Variants in PXN observed in about 807,000 individuals in gnomAD.
PXN encodes testicular tissue protein Li 134.
PXN carries 61 observed loss-of-function variants against 103.6 expected under a neutral mutation model. The ratio of observed to expected loss-of-function variants is 0.59; its 90% CI spans 0.48 to 0.73. The LOEUF is 0.73. Ranked by LOEUF, PXN falls within the 30% of genes least tolerant of loss-of-function variation. The pLI is 0.00. For missense variants in PXN, 1,274 were observed against 1,460.3 expected (o/e 0.87, Z 2.08); for synonymous variants, 562 against 607.8 (o/e 0.92, Z 1.11).
chr12:120,240,466 A>G (rs967759752), intron 1 of PXN, among the ~76,000 whole-genome samples: 1 of 152,130 alleles, frequency 6.6e-6, no homozygotes, highest in African/African-American at 2.4e-5. Flanking sequence ...AGACCATCAG[A>G]CTGTAAACAA....
chr12:120,212,737 TTTTTA>T lies in PXN; in HGVS notation c.2980-162_2980-158del. On this transcript the variant is annotated intron_variant, in intron 14 of 14. Coordinates refer to ENST00000637617, the MANE Select transcript of PXN (RefSeq NM_001385981.1). This position sits in a 1 kb window ranked among gnomAD's most constrained non-coding sequence, Gnocchi z 7.2. ...TGTTGTCCTAAACGCTCATTTTTCA[TTTTTA>T]TTTTATTAAATAAATTTTTTTTGTA... 1 of 778,236 alleles carries T rather than the reference TTTTTA, an allele frequency of 1.3e-6. No homozygotes were observed. Among genetic ancestry groups the T allele is most frequent in the Non-Finnish European group, 1.9e-6 (1 of 530,402 alleles). The allele number at this position is 778,236 out of a possible 1,614,324, so 48.2% of individuals were successfully genotyped here.
Position 120,212,298 on chromosome 12 carries a change from GAC to G in PXN, c.*14_*15del. 6.2e-7 allele frequency: 1 copy of G among 1,606,870 alleles called. No homozygotes were observed. The highest frequency in any genetic ancestry group is 8.5e-7 in the Non-Finnish European group (1 of 1,175,704). On this transcript the variant is annotated 3_prime_UTR_variant, in exon 15 of 15. Transcript: ENST00000637617. The surrounding 1 kb of genome is among the most constrained non-coding windows in gnomAD (Gnocchi z 7.2). ...ATGCTGGCTGGGGAAGGGGGGCAGA[GAC>G]AGGGGCAGGGCACCTAGCAGAAGAG...
Position 120,225,974 on chromosome 12 carries a change from C to G in PXN, c.14-1597G>C. 1 of 868,258 alleles carries G rather than the reference C, an allele frequency of 1.2e-6. No individual in the cohort carries two copies. Among genetic ancestry groups the G allele is most frequent in the South Asian group, 2.9e-5 (1 of 34,302 alleles). The allele number at this position is 868,258 out of a possible 1,614,324, so 53.8% of individuals were successfully genotyped here. On this transcript the variant is annotated intron_variant, in intron 1 of 14. Coordinates refer to ENST00000637617, the MANE Select transcript of PXN (RefSeq NM_001385981.1). The surrounding 1 kb of genome is among the most constrained non-coding windows in gnomAD (Gnocchi z 4.4). Reference sequence around the variant, plus strand: ...CAAGGCCCAGGACCCCGGGTCTGGTCGCCTGACCTCCAAGGAAGTTCAGGT... The same window carrying G: ...CAAGGCCCAGGACCCCGGGTCTGGTGGCCTGACCTCCAAGGAAGTTCAGGT...
In PXN at chr12:120,222,845, C is replaced by T. The variant is rs1448876221; in HGVS notation, c.493+18G>A. 1.9e-6 allele frequency: 3 copies of T among 1,612,580 alleles called. No individual in the cohort carries two copies. Among genetic ancestry groups the T allele is most frequent in the Admixed American group, 3.4e-5 (2 of 59,666 alleles). Reference sequence around the variant, plus strand: ...GCCCTGGGCCCTGGTAGACCCTGCCCCAGGGACCCGGTCCTACCTGCAGGG... The same window carrying T: ...GCCCTGGGCCCTGGTAGACCCTGCCTCAGGGACCCGGTCCTACCTGCAGGG... On this transcript the variant is annotated intron_variant, in intron 4 of 14. Coordinates refer to ENST00000637617, the MANE Select transcript of PXN (RefSeq NM_001385981.1). The surrounding 1 kb of genome is among the most constrained non-coding windows in gnomAD (Gnocchi z 4.7).
chr12:120,223,182 G>A (rs1483601047), intron 3 of PXN, among the ~76,000 whole-genome samples, 183 bp from the exon 4 acceptor site: 1 of 151,578 alleles, frequency 6.6e-6, no homozygotes, highest in Non-Finnish European at 1.5e-5. Flanking sequence ...AGTGGCTCAC[G>A]CCTGTAATCC....
rs1252184745 is a variant in PXN, at chr12:120,260,383, C to T, written c.13+5234G>A. Among the ~76,000 whole-genome samples the T allele has an allele frequency of 5.9e-5, 9 of 151,998 alleles. No homozygotes were observed. The South Asian group carries it at 1.9e-3, about 32-fold the overall frequency. On this transcript the variant is annotated intron_variant, in intron 1 of 14. Transcript: ENST00000637617. ...AATTAGCTGGGCATGGTGGCTCATG[C>T]CCCCAGCTACTTGGGGGACTGAGGC...
In PXN at chr12:120,225,185, T is replaced by TCCC. The variant is rs1886516884; in HGVS notation, c.14-809_14-808insGGG. ...ACAGGGGGGCACTAGGTCTCCCCAG[T>TCCC]CTCCAGAAAAGAAGGGTATAGAAGG... On this transcript the variant is annotated intron_variant, in intron 1 of 14. Transcript: ENST00000637617. The surrounding 1 kb of genome is among the most constrained non-coding windows in gnomAD (Gnocchi z 4.4). The TCCC allele has an allele frequency of 1.1e-5, 2 of 181,872 alleles. No homozygotes were observed. The highest frequency in any genetic ancestry group is 4.8e-5 in the African/African-American group (2 of 42,052). 11.3% of individuals were successfully genotyped at this position (181,872 alleles called of 1,614,324 possible). A position where few individuals can be genotyped will look rare whatever the true frequency, so the allele number is the denominator to read the frequency against.
chr12:120,265,481 C>T lies in PXN; in HGVS notation c.13+136G>A. 1 of 1,053,950 alleles carries T rather than the reference C, an allele frequency of 9.5e-7. No individual in the cohort carries two copies. Among genetic ancestry groups the T allele is most frequent in the Non-Finnish European group, 1.3e-6 (1 of 793,844 alleles). The allele number at this position is 1,053,950 out of a possible 1,614,324, so 65.3% of individuals were successfully genotyped here. On this transcript the variant is annotated intron_variant, in intron 1 of 14. Coordinates refer to ENST00000637617, the MANE Select transcript of PXN (RefSeq NM_001385981.1). This position sits in a 1 kb window ranked among gnomAD's most constrained non-coding sequence, Gnocchi z 5.7. ...TTAGGGATCCCAGCCCCGCGGAGCC[C>T]CGGCCGGCAGGGACAGGAGCTGAGG... is the stretch of plus-strand genomic sequence containing the variant.
intron 1 of PXN, among the ~76,000 whole-genome samples, chr12:120,227,297 T>C (rs1398028090): frequency 6.6e-6 from 1 of 152,024 alleles, no homozygotes. Context: ...GAACAGGAGT[T>C]GGAGATCGGC....
Position 120,225,925 on chromosome 12 carries a change from G to T in PXN, c.14-1548C>A. 2.6e-6 allele frequency: 1 copy of T among 378,834 alleles called. No homozygotes were observed. The highest frequency in any genetic ancestry group is 3.9e-6 in the Non-Finnish European group (1 of 258,824). 23.5% of individuals were successfully genotyped at this position (378,834 alleles called of 1,614,324 possible). On this transcript the variant is annotated intron_variant, in intron 1 of 14. Transcript: ENST00000637617. This position sits in a 1 kb window ranked among gnomAD's most constrained non-coding sequence, Gnocchi z 4.4. ...CACACCTACCCCATGCTCCTGCCCA[G>T]ATGGACAGAGGGGATGTCTGTTCCA...
At chr12:120,237,564 G>A (rs759400010) in intron 1 of PXN, among the ~76,000 whole-genome samples, 4 of 152,202 alleles carry the variant, frequency 2.6e-5, no homozygotes, top group South Asian at 2.1e-4. Flanking sequence ...TCCTGGCAGC[G>A]CACCATTTGA....
intron 1 of PXN, among the ~76,000 whole-genome samples, chr12:120,245,720 G>A (rs1422150321): frequency 4.0e-5 from 6 of 150,474 alleles, no homozygotes; most frequent in Non-Finnish European, 7.4e-5. Flanking sequence ...CCCAGGAGGC[G>A]GAGCTTTCAG....
At chr12:120,244,105 C>G (rs1890630102) in intron 1 of PXN, among the ~76,000 whole-genome samples, 1 of 150,748 alleles carries the variant, frequency 6.6e-6, no homozygotes, top group Non-Finnish European at 1.5e-5. Flanking sequence ...GGGAGAGCAA[C>G]ACAGGAGCAC....
chr12:120,218,896 TG>T (rs2136241993), intron 7 of PXN, among the ~76,000 whole-genome samples: 1 of 152,300 alleles, frequency 6.6e-6, no homozygotes, highest in African/African-American at 2.4e-5. Context: ...GTTAGACATG[TG>T]GTTTGTATCT....
chr12:120,215,634 C>T lies in PXN; in HGVS notation c.2329G>A (p.Gly777Arg). 6.2e-7 allele frequency: 1 copy of T among 1,612,170 alleles called. No individual in the cohort carries two copies. The highest frequency in any genetic ancestry group is 8.5e-7 in the Non-Finnish European group (1 of 1,179,320). ...CAGCCGGCCGCCCAGCACCGCTCCC[C>T]ATCCGCTCTTTGCTCCAGGCCCTGG... ...QIQGLEQRAD[G>R]ERCWAAGWPR... Residue 777 changes from glycine (G) to arginine (R), a missense_variant, in exon 10 of 15, where the codon GGG (glycine) becomes AGG (arginine). By Grantham distance (125) the Gly-to-Arg change is moderately radical (BLOSUM62 -2). Coordinates refer to ENST00000637617, the MANE Select transcript of PXN (RefSeq NM_001385981.1). The surrounding 1 kb of genome is among the most constrained non-coding windows in gnomAD (Gnocchi z 4.9).
intron 1 of PXN, among the ~76,000 whole-genome samples, chr12:120,232,679 T>G (rs1393820275): frequency 6.6e-6 from 1 of 152,158 alleles, no homozygotes; most frequent in Admixed American, 6.5e-5. Context: ...GGCGGCTCCT[T>G]GGGCCTCTCA....
In PXN at chr12:120,215,320, C is replaced by T. The variant is rs369254372; in HGVS notation, c.2404-47G>A. On this transcript the variant is annotated intron_variant, in intron 10 of 14. Coordinates refer to ENST00000637617, the MANE Select transcript of PXN (RefSeq NM_001385981.1). This position sits in a 1 kb window ranked among gnomAD's most constrained non-coding sequence, Gnocchi z 4.9. Reference sequence around the variant, plus strand: ...GTCAGGACTCCTGAGGCTCGGGGTACGGTGTCTGGCAGCACAGGGATGGGG... The same window carrying T: ...GTCAGGACTCCTGAGGCTCGGGGTATGGTGTCTGGCAGCACAGGGATGGGG... The T allele has an allele frequency of 4.3e-5, 66 of 1,546,968 alleles. No homozygotes were observed. Among genetic ancestry groups the T allele is most frequent in the Non-Finnish European group, 5.2e-5 (60 of 1,150,262 alleles).
Position 120,215,825 on chromosome 12 carries a change from TGAGA to T in PXN, c.2302-168_2302-165del, listed in dbSNP as rs1256151977. On this transcript the variant is annotated intron_variant, in intron 9 of 14. Coordinates refer to ENST00000637617, the MANE Select transcript of PXN (RefSeq NM_001385981.1). This position sits in a 1 kb window ranked among gnomAD's most constrained non-coding sequence, Gnocchi z 4.9. ...GAAAAAATCTGGAGAAAAAGAGCCC[TGAGA>T]GAGAGGCCTAGGGAGAAAGGAAGAA... The T allele has an allele frequency of 9.3e-6, 12 of 1,293,954 alleles. No homozygotes were observed. Among genetic ancestry groups the T allele is most frequent in the African/African-American group, 1.5e-5 (1 of 65,740 alleles). The allele number at this position is 1,293,954 out of a possible 1,614,324, so 80.2% of individuals were successfully genotyped here.
At chr12:120,256,575 G>T (rs1417589359) in intron 1 of PXN, among the ~76,000 whole-genome samples, 1 of 151,988 alleles carries the variant, frequency 6.6e-6, no homozygotes, top group Admixed American at 6.6e-5. Flanking sequence ...GGGGACGTGG[G>T]GGGTGGAGTA....
Sources: gnomAD v4.1 joint callset for allele counts (sites outside exome capture counted in the v4.1 genomes callset) on GRCh38, gnomAD v4.1.1 for gene constraint, Gnocchi (gnomAD v3.1) non-coding constraint, MANE v1.5 for transcripts, NCBI Gene and HGNC (gene_info 2026-07-23, HGNC 2026-07-21) for gene names.